The following SAMD3 variants were observed in gnomAD, a reference collection of about 807,000 sequenced individuals.
SAMD3 encodes sterile alpha motif domain containing 3, also known as sterile alpha motif domain-containing protein 3.
Under a neutral mutation model 58.5 loss-of-function variants are expected in SAMD3, and 63 were observed. That is an observed-to-expected ratio of 1.08 (90% CI 0.88 to 1.33). The LOEUF is 1.33. SAMD3 is among the 40% of genes most tolerant of loss of function. SAMD3 has a pLI of 0.00. For synonymous variants in SAMD3, 220 were observed against 210.3 expected (o/e 1.05, Z -0.40); for missense variants, 604 against 608.4 (o/e 0.99, Z 0.08).
At chr6:130,237,219 G>A (rs77989823) in intron 2 of SAMD3, among the ~76,000 whole-genome samples, 2,579 of 152,090 alleles carry the variant, frequency 0.017, 42 homozygotes, top group South Asian at 0.087. Context: ...GTAGTGAGGC[G>A]CTACTATTCT....
intron 2 of SAMD3, among the ~76,000 whole-genome samples, chr6:130,249,453 A>G (rs1320241987): frequency 1.3e-5 from 2 of 152,168 alleles, no homozygotes; most frequent in Non-Finnish European, 2.9e-5. Flanking sequence ...GCAGCTATGA[A>G]CATTCTGAGT....
At chr6:130,180,287 A>ATTT (rs56155412) in intron 7 of SAMD3, among the ~76,000 whole-genome samples, 5 of 69,418 alleles carry the variant, frequency 7.2e-5, no homozygotes, top group Non-Finnish European at 1.1e-4. Context: ...TACCTGGCTA[A>ATTT]TTTTTTTTTT....
At position 130,292,259 on chromosome 6, in the gene SAMD3, TTTTCTTTC is replaced by T. The variant is rs1228166859; in HGVS notation, c.-188+20711_-188+20718del. ...ATTCAATTCTCAGGAATAACTTTTTTTTTCTTTCTTTCTTTTTTTTTTTTTTTTGAGAC... is the reference window on the plus strand; with the variant it reads ...ATTCAATTCTCAGGAATAACTTTTTTTTTCTTTTTTTTTTTTTTTTGAGAC... On this transcript the variant is annotated intron_variant, in intron 2 of 13. Coordinates refer to the SAMD3 transcript ENST00000368134. 1.1e-3 allele frequency among the ~76,000 whole-genome samples: 154 copies of T among 144,808 alleles called. 4 individuals are homozygous for T. The highest frequency in any genetic ancestry group is 3.0e-3 in the African/African-American group (117 of 38,920). 95.0% of individuals were successfully genotyped at this position (144,808 alleles called of 152,430 possible).
At chr6:130,151,723 G>T (rs1037426614) in intron 9 of SAMD3, among the ~76,000 whole-genome samples, 1 of 152,216 alleles carries the variant, frequency 6.6e-6, no homozygotes, top group Non-Finnish European at 1.5e-5. Context: ...TTACAGGCAT[G>T]AGCCACCATG....
chr6:130,264,565 G>T (rs1368154414), intron 2 of SAMD3, among the ~76,000 whole-genome samples: 1 of 152,102 alleles, frequency 6.6e-6, no homozygotes, highest in Non-Finnish European at 1.5e-5. Context: ...GAAAAAATAA[G>T]ACATCATAAA....
intron 2 of SAMD3, among the ~76,000 whole-genome samples, chr6:130,308,407 TC>T (rs1259830248): frequency 1.8e-4 from 26 of 145,184 alleles, no homozygotes; most frequent in African/African-American, 6.3e-4. Context: ...TCTATTCTAT[TC>T]TATTCTATTC....
upstream of SAMD3, among the ~76,000 whole-genome samples, chr6:130,225,275 G>A (rs1171210579): frequency 2.0e-5 from 3 of 152,214 alleles, no homozygotes; most frequent in African/African-American, 7.2e-5. Flanking sequence ...TGCAGTCCAG[G>A]AAATGGGAGC....
rs767448955 is a variant in SAMD3, at chr6:130,236,469, C to T, written c.-187-13656G>A. On this transcript the variant is annotated intron_variant, in intron 2 of 13. Coordinates refer to the SAMD3 transcript ENST00000368134. ...CGTGATCTCAGCCCACTGCAACCCCCGCCTCCCGGGTTGAAGCAATTCTCC... is the reference window on the plus strand; with the variant it reads ...CGTGATCTCAGCCCACTGCAACCCCTGCCTCCCGGGTTGAAGCAATTCTCC... Among the ~76,000 whole-genome samples the T allele has an allele frequency of 5.9e-5, 9 of 152,120 alleles. No individual in the cohort carries two copies. In the East Asian group the frequency reaches 7.7e-4, roughly 13 times the overall value.
At chr6:130,265,325 A>G (rs991022508) in intron 2 of SAMD3, among the ~76,000 whole-genome samples, 1 of 152,118 alleles carries the variant, frequency 6.6e-6, no homozygotes, top group Admixed American at 6.5e-5. Flanking sequence ...GAGCAGCTTC[A>G]CCAACCCCTG....
intron 2 of SAMD3, among the ~76,000 whole-genome samples, chr6:130,239,568 C>CCAA (rs2114891839): frequency 6.6e-6 from 1 of 152,052 alleles, no homozygotes; most frequent in Non-Finnish European, 1.5e-5. Flanking sequence ...AGTATGAAGT[C>CCAA]CAACTACTTC....
At chr6:130,197,320 C>G (rs1794224200) in intron 5 of SAMD3, among the ~76,000 whole-genome samples, 1 of 152,180 alleles carries the variant, frequency 6.6e-6, no homozygotes, top group South Asian at 2.1e-4. Flanking sequence ...TCATACATGC[C>G]CTGCTCTTGT....
chr6:130,163,252 T>A (rs565943159), intron 8 of SAMD3, among the ~76,000 whole-genome samples: 111 of 152,340 alleles, frequency 7.3e-4, no homozygotes, highest in African/African-American at 2.5e-3. Context: ...TTAACGTTAA[T>A]TCCATTTGCC....
chr6:130,314,590 C>A (rs1776296769), intron 1 of SAMD3, among the ~76,000 whole-genome samples: 1 of 152,154 alleles, frequency 6.6e-6, no homozygotes, highest in African/African-American at 2.4e-5. Context: ...GAGCTCAATT[C>A]ATGACTTTAA....
At chr6:130,163,413 T>C (rs761243622) in intron 8 of SAMD3, among the ~76,000 whole-genome samples, 7 of 152,192 alleles carry the variant, frequency 4.6e-5, no homozygotes, top group Non-Finnish European at 8.8e-5. Flanking sequence ...CGTCAAGTGT[T>C]GACTTGGAAA....
intron 2 of SAMD3, among the ~76,000 whole-genome samples, chr6:130,244,888 AG>A (rs1280706731): frequency 6.6e-6 from 1 of 152,224 alleles, no homozygotes; most frequent in African/African-American, 2.4e-5. Flanking sequence ...CTGGGCCCCT[AG>A]TGATCCCTCA....
chr6:130,223,229 G>T (rs1006224958), upstream of SAMD3, among the ~76,000 whole-genome samples: 2 of 152,138 alleles, frequency 1.3e-5, no homozygotes, highest in Non-Finnish European at 2.9e-5. Flanking sequence ...TTTAGACATT[G>T]AATTCAAAGT....
At chr6:130,352,273 G>A (rs964353510) in intron 1 of SAMD3, among the ~76,000 whole-genome samples, 3 of 151,886 alleles carry the variant, frequency 2.0e-5, no homozygotes, top group Non-Finnish European at 2.9e-5. Context: ...GGATAAACTC[G>A]AGTCAAGGAG....
intron 1 of SAMD3, among the ~76,000 whole-genome samples, chr6:130,333,431 C>T (rs749511328): frequency 2.2e-4 from 33 of 152,168 alleles, no homozygotes; most frequent in Non-Finnish European, 3.5e-4. Context: ...ACTAAGATTC[C>T]GAGATGTATA....
intron 2 of SAMD3, among the ~76,000 whole-genome samples, chr6:130,229,913 A>G (rs1385677844): frequency 6.6e-6 from 1 of 152,220 alleles, no homozygotes; most frequent in East Asian, 1.9e-4. Context: ...TGTCAAACAG[A>G]TAACTACAGA....
Sources: gnomAD v4.1 joint callset for allele counts (sites outside exome capture counted in the v4.1 genomes callset) on GRCh38, gnomAD v4.1.1 for gene constraint, MANE v1.5 for transcripts, NCBI Gene and HGNC (gene_info 2026-07-23, HGNC 2026-07-21) for gene names.